CSMD1: variants seen among roughly 807,000 people sequenced by gnomAD.
CSMD1 encodes CUB and Sushi multiple domains 1.
In CSMD1, 213 loss-of-function variants were observed where a neutral mutation model predicts 417.5. The observed-to-expected ratio is 0.51, with a 90% CI of 0.46 to 0.57. The LOEUF (loss-of-function observed/expected upper bound fraction) is 0.57, where lower values mean the gene tolerates loss of function less well. CSMD1 is among the 20% of genes least tolerant of loss of function. CSMD1 has a pLI of 0.00. For synonymous variants in CSMD1, 2,862 were observed against 1,736.8 expected (o/e 1.65, Z -16.11); for missense variants, 6,923 against 4,529.7 (o/e 1.53, Z -15.17).
At chr8:4,021,607 G>C (rs1458418848) in intron 4 of CSMD1, among the ~76,000 whole-genome samples, 1 of 152,136 alleles carries the variant, frequency 6.6e-6, no homozygotes, top group Non-Finnish European at 1.5e-5. Flanking sequence ...GCCCTCAAAT[G>C]ACTTATCACA....
intron 25 of CSMD1, among the ~76,000 whole-genome samples, chr8:3,286,109 G>C (rs1803135644): frequency 6.6e-6 from 1 of 152,076 alleles, no homozygotes; most frequent in African/African-American, 2.4e-5. Context: ...AGTTTGCTGA[G>C]AATCATGGTT....
At chr8:3,492,470 C>G (rs549898780) in intron 11 of CSMD1, among the ~76,000 whole-genome samples, 2 of 152,008 alleles carry the variant, frequency 1.3e-5, no homozygotes, top group South Asian at 2.1e-4. Flanking sequence ...TAATGAAAGA[C>G]GCTTCTGGTT....
intron 1 of CSMD1, among the ~76,000 whole-genome samples, chr8:4,839,828 G>A (rs1463054613): frequency 1.3e-5 from 2 of 152,144 alleles, no homozygotes; most frequent in Admixed American, 6.5e-5. Flanking sequence ...AATCATCTTA[G>A]TAAAGTTGAT....
At chr8:3,279,372 G>A (rs1481788839) in intron 26 of CSMD1, among the ~76,000 whole-genome samples, 4 of 152,154 alleles carry the variant, frequency 2.6e-5, no homozygotes, top group Non-Finnish European at 5.9e-5. Context: ...TTGTCAACTC[G>A]AATGCATGGG....
At chr8:4,393,747 A>T (rs1188456582) in intron 3 of CSMD1, among the ~76,000 whole-genome samples, 1 of 152,214 alleles carries the variant, frequency 6.6e-6, no homozygotes, top group Non-Finnish European at 1.5e-5. Flanking sequence ...TTGCCTTCAG[A>T]CATTCATTGC....
chr8:3,244,818 C>T (rs574606894), intron 26 of CSMD1, among the ~76,000 whole-genome samples: 8 of 152,296 alleles, frequency 5.3e-5, no homozygotes, highest in South Asian at 4.1e-4. Flanking sequence ...CAGATGGGTG[C>T]GGGATCCGTC....
intron 5 of CSMD1, among the ~76,000 whole-genome samples, chr8:3,905,638 C>G (rs565800136): frequency 5.9e-5 from 9 of 152,336 alleles, no homozygotes; most frequent in Admixed American, 4.6e-4. Context: ...ATTTCTAGCA[C>G]TGTCCCAGGC....
intron 2 of CSMD1, among the ~76,000 whole-genome samples, chr8:4,453,656 C>T (rs1003936186): frequency 1.1e-4 from 16 of 152,028 alleles, no homozygotes; most frequent in Non-Finnish European, 1.9e-4. Flanking sequence ...CTCTAGCCCC[C>T]GACACCTGCA....
chr8:4,703,997 A>C (rs917465708), intron 1 of CSMD1, among the ~76,000 whole-genome samples: 7 of 152,286 alleles, frequency 4.6e-5, no homozygotes, highest in African/African-American at 1.7e-4. Flanking sequence ...TGCTATGAGA[A>C]TCTAATGCCG....
intron 1 of CSMD1, among the ~76,000 whole-genome samples, chr8:4,880,232 C>T (rs557033359): frequency 1.3e-5 from 2 of 152,084 alleles, no homozygotes; most frequent in Middle Eastern, 3.4e-3. Context: ...TTCGGAGATA[C>T]GCATTCAGTG....
rs1217649 is a variant in CSMD1, at chr8:4,434,331, A to C, written c.303-14266T>G. Among the ~76,000 whole-genome samples, 1,334 of 152,174 alleles carry C rather than the reference A, an allele frequency of 8.8e-3. 15 individuals carry two copies. Among genetic ancestry groups the C allele is most frequent in the African/African-American group, 0.029 (1,216 of 41,524 alleles). On this transcript the variant is annotated intron_variant, in intron 2 of 69. Coordinates refer to ENST00000635120, the MANE Select transcript of CSMD1 (RefSeq NM_033225.6). ...CAGTGAGCTGAGATTGCACCATTAC[A>C]CTCCAGCCTGGGCAACAGCATGAGA...
chr8:3,875,202 A>C (rs778347513), intron 5 of CSMD1, among the ~76,000 whole-genome samples: 3 of 152,166 alleles, frequency 2.0e-5, no homozygotes, highest in Admixed American at 6.5e-5. Context: ...TGGAACAGTG[A>C]GGCCATTCGG....
intron 5 of CSMD1, among the ~76,000 whole-genome samples, chr8:3,803,988 C>T (rs563684902): frequency 7.9e-5 from 12 of 152,126 alleles, no homozygotes; most frequent in South Asian, 2.1e-4. Flanking sequence ...AGTGCAATGG[C>T]GTGATCTCGG....
intron 25 of CSMD1, among the ~76,000 whole-genome samples, chr8:3,297,725 G>C (rs1309430185): frequency 1.3e-5 from 2 of 152,156 alleles, no homozygotes; most frequent in African/African-American, 2.4e-5. Flanking sequence ...GATAATATTT[G>C]TATAGCTTTG....
intron 2 of CSMD1, among the ~76,000 whole-genome samples, chr8:4,458,075 G>C (rs753384179): frequency 1.5e-4 from 23 of 152,148 alleles, no homozygotes; most frequent in African/African-American, 5.5e-4. Context: ...AATCCTTCAT[G>C]TTTTTAACTC....
chr8:3,273,654 G>A (rs918545552), intron 26 of CSMD1, among the ~76,000 whole-genome samples: 13 of 152,172 alleles, frequency 8.5e-5, no homozygotes, highest in African/African-American at 3.1e-4. Flanking sequence ...TCCTGGTTTA[G>A]TCTTGGGAGA....
intron 26 of CSMD1, among the ~76,000 whole-genome samples, chr8:3,248,502 C>T (rs73185572): frequency 0.086 from 12,576 of 145,920 alleles, 741 homozygotes; most frequent in Non-Finnish European, 0.12. Context: ...CTGCCAGGTA[C>T]GCCTGTAATC....
intron 2 of CSMD1, among the ~76,000 whole-genome samples, chr8:4,456,913 C>T (rs1344207058): frequency 1.3e-5 from 2 of 151,338 alleles, no homozygotes; most frequent in Admixed American, 1.3e-4. Context: ...CAGTTTCCAC[C>T]CACCAACTGT....
chr8:4,730,612 G>T (rs568664205), intron 1 of CSMD1, among the ~76,000 whole-genome samples: 10 of 152,096 alleles, frequency 6.6e-5, no homozygotes, highest in African/African-American at 2.2e-4. Context: ...GTGGTGGCGG[G>T]CGCCTGTAGT....
Sources: allele counts gnomAD v4.1 joint callset (sites outside exome capture counted in the v4.1 genomes callset), GRCh38; gene constraint gnomAD v4.1.1; transcripts MANE v1.5; gene names NCBI Gene and HGNC (gene_info 2026-07-23, HGNC 2026-07-21).